ADAMTS20: variants seen among roughly 807,000 people sequenced by gnomAD.
The protein encoded by ADAMTS20 is A disintegrin and metalloproteinase with thrombospondin motifs 20.
Under a neutral mutation model 260.1 loss-of-function variants are expected in ADAMTS20, and 225 were observed. That is an observed-to-expected ratio of 0.87 (90% CI 0.78 to 0.97). ADAMTS20 has a LOEUF of 0.97. Among genes scored for constraint, ADAMTS20 ranks in the 50% least tolerant of loss-of-function variants. The pLI is 0.00. For synonymous variants in ADAMTS20, 802 were observed against 769.5 expected, an observed-to-expected ratio of 1.04 and a Z score of -0.70; for missense variants, 2,400 against 2,337.7, an observed-to-expected ratio of 1.03 and a Z score of -0.55.
rs145507208 is a variant in ADAMTS20 at position 43,463,202 on chromosome 12, T to G, written c.1510-203A>C. On this transcript the variant is annotated intron_variant, in intron 10 of 38. Coordinates refer to ENST00000389420, the MANE Select transcript of ADAMTS20 (RefSeq NM_025003.5). Reference sequence around the variant, plus strand: ...AAAATTGTGACATTTTCTTTAAAACTTTTTAAAAAAATTTTATTCATACAT... The same window carrying G: ...AAAATTGTGACATTTTCTTTAAAACGTTTTAAAAAAATTTTATTCATACAT... 3.8e-4 allele frequency among the ~76,000 whole-genome samples: 58 copies of G among 152,340 alleles called. No individual in the cohort carries two copies. In the East Asian group the frequency reaches 0.01, roughly 26 times the overall value.
At chr12:43,534,976 C>T (rs1178350258) in intron 2 of ADAMTS20, among the ~76,000 whole-genome samples, 1 of 152,078 alleles carries the variant, frequency 6.6e-6, no homozygotes, top group Non-Finnish European at 1.5e-5. Context: ...TGCATCATCA[C>T]ACTCAGTCTG....
At chr12:43,403,769 C>T (rs1396893799) in intron 28 of ADAMTS20, among the ~76,000 whole-genome samples, 4 of 151,892 alleles carry the variant, frequency 2.6e-5, no homozygotes, top group East Asian at 3.9e-4. Context: ...AGATTCAGGA[C>T]AAGACTGAAA....
chr12:43,550,684 T>C (rs936626283), intron 2 of ADAMTS20, among the ~76,000 whole-genome samples: 2 of 152,120 alleles, frequency 1.3e-5, no homozygotes, highest in Non-Finnish European at 2.9e-5. Flanking sequence ...GCATCTTTCA[T>C]CAGCGTTGCA....
chr12:43,420,071 G>A (rs985795707), intron 28 of ADAMTS20, among the ~76,000 whole-genome samples: 1 of 152,118 alleles, frequency 6.6e-6, no homozygotes, highest in Non-Finnish European at 1.5e-5. Context: ...AACAATTGCC[G>A]AATTATTTTA....
intron 28 of ADAMTS20, among the ~76,000 whole-genome samples, chr12:43,403,130 C>T (rs892828550): frequency 6.6e-6 from 1 of 152,018 alleles, no homozygotes; most frequent in African/African-American, 2.4e-5. Context: ...GTTAATTAGT[C>T]CCCTCTAACA....
At chr12:43,458,465 C>T (rs1592079834) in intron 11 of ADAMTS20, among the ~76,000 whole-genome samples, 1 of 152,148 alleles carries the variant, frequency 6.6e-6, no homozygotes, top group Non-Finnish European at 1.5e-5. Flanking sequence ...AAATGTCCTC[C>T]TTGCTCTTCT....
At chr12:43,447,251 C>T (rs761442228) in intron 14 of ADAMTS20, among the ~76,000 whole-genome samples, 20 of 151,964 alleles carry the variant, frequency 1.3e-4, no homozygotes, top group Non-Finnish European at 2.8e-4. Context: ...CAACAAAATA[C>T]TTGCAAACCA....
At chr12:43,420,452 C>T (rs914080945) in intron 28 of ADAMTS20, among the ~76,000 whole-genome samples, 1 of 152,130 alleles carries the variant, frequency 6.6e-6, no homozygotes, top group African/African-American at 2.4e-5. Flanking sequence ...AAATATATTT[C>T]TAACCTGTTT....
chr12:43,515,488 A>G (rs1469535410), intron 3 of ADAMTS20, among the ~76,000 whole-genome samples: 1 of 152,026 alleles, frequency 6.6e-6, no homozygotes, highest in East Asian at 1.9e-4. Flanking sequence ...ATCTACATTT[A>G]CTCCTCCTGG....
intron 7 of ADAMTS20, among the ~76,000 whole-genome samples, chr12:43,487,349 T>C (rs182838921): frequency 2.3e-4 from 32 of 141,668 alleles, no homozygotes; most frequent in African/African-American, 7.4e-4. Flanking sequence ...TTCTCACTTA[T>C]AAGTGAAAAC....
At chr12:43,409,602 A>AG in intron 28 of ADAMTS20, among the ~76,000 whole-genome samples, 1 of 37,906 alleles carries the variant, frequency 2.6e-5, no homozygotes, top group Admixed American at 4.1e-4. Flanking sequence ...ACTCCGTCTC[A>AG]AAAAAAAAAA....
intron 28 of ADAMTS20, among the ~76,000 whole-genome samples, chr12:43,414,146 G>T (rs993834772): frequency 6.6e-6 from 1 of 152,118 alleles, no homozygotes; most frequent in African/African-American, 2.4e-5. Flanking sequence ...AGTGCAGGGA[G>T]ACTAATCTTT....
rs150892278 is a variant in ADAMTS20, at chr12:43,428,353, C to G, written c.3833G>C (p.Ser1278Thr). ...SHFPSSPVQPSYYLSTNLPLT... is the reference protein window; with the variant it reads ...SHFPSSPVQPTYYLSTNLPLT... Reference sequence around the variant, plus strand: ...TGGCAAATTCGTGCTTAGATAATAGCTTGGCTGCACAGGGGAACTAGGAAA... The same window carrying G: ...TGGCAAATTCGTGCTTAGATAATAGGTTGGCTGCACAGGGGAACTAGGAAA... Residue 1278 changes from serine (S) to threonine (T), a missense_variant, in exon 26 of 39, where the codon AGC becomes ACC. Transcript: ENST00000389420. 6.2e-7 allele frequency: 1 copy of G among 1,613,766 alleles called. No homozygotes were observed. The highest frequency in any genetic ancestry group is 1.7e-5 in the Admixed American group (1 of 59,968).
At position 43,446,662 on chromosome 12, in the gene ADAMTS20, A is replaced by T; in HGVS notation, c.2130T>A (p.Cys710Ter). 6.2e-7 allele frequency: 1 copy of T among 1,613,498 alleles called. No homozygotes were observed. Among genetic ancestry groups the T allele is most frequent in the Non-Finnish European group, 8.5e-7 (1 of 1,179,570 alleles). The change falls in exon 15 of 39, where the codon TGT becomes TGA. Residue 710 changes from cysteine to a stop codon, truncating the protein, a stop_gained. Coordinates refer to ENST00000389420, the MANE Select transcript of ADAMTS20 (RefSeq NM_025003.5). LOFTEE classifies it high-confidence loss of function. ...AAGAGTTGTCCCCACCACACACTCCACATTTGTCTATCTTGGCACTGGAGT... is the reference window on the plus strand; with the variant it reads ...AAGAGTTGTCCCCACCACACACTCCTCATTTGTCTATCTTGGCACTGGAGT... ...VLNSSAKIDK[C>*]GVCGGDNSSC...
At chr12:43,470,973 C>G (rs371248323) in intron 7 of ADAMTS20, among the ~76,000 whole-genome samples, 10 of 152,236 alleles carry the variant, frequency 6.6e-5, no homozygotes, top group African/African-American at 2.2e-4. Context: ...CCTTAACTAT[C>G]GGGGAGGAGC....
intron 2 of ADAMTS20, among the ~76,000 whole-genome samples, chr12:43,545,487 T>G (rs746961013): frequency 7.2e-5 from 11 of 152,208 alleles, no homozygotes; most frequent in Non-Finnish European, 1.2e-4. Flanking sequence ...ACAACTCTCT[T>G]AATCACTCCT....
chr12:43,501,474 C>CGT (rs1555137731), intron 4 of ADAMTS20, among the ~76,000 whole-genome samples: 4 of 110,562 alleles, frequency 3.6e-5, no homozygotes, highest in East Asian at 4.5e-4. Flanking sequence ...CGCGCGCGCG[C>CGT]GCGCGCGCAC....
At chr12:43,541,169 T>C (rs538626935) in intron 2 of ADAMTS20, among the ~76,000 whole-genome samples, 2 of 152,296 alleles carry the variant, frequency 1.3e-5, no homozygotes, top group Non-Finnish European at 2.9e-5. Context: ...AATAAGGTAC[T>C]GCTGAAGTGT....
chr12:43,527,142 G>T (rs1943154275), intron 3 of ADAMTS20, among the ~76,000 whole-genome samples: 1 of 152,052 alleles, frequency 6.6e-6, no homozygotes, highest in Admixed American at 6.6e-5. Context: ...AAATCAGGAA[G>T]AAATAGAAAC....
Sources: gnomAD v4.1 joint callset for allele counts (sites outside exome capture counted in the v4.1 genomes callset) on GRCh38, gnomAD v4.1.1 for gene constraint, MANE v1.5 for transcripts, NCBI Gene and HGNC (gene_info 2026-07-23, HGNC 2026-07-21) for gene names.